Variants in LRFN2 observed in about 807,000 individuals in gnomAD.
The protein encoded by LRFN2 is leucine rich repeat and fibronectin type III domain containing 2, also known as leucine-rich repeat and fibronectin type-III domain-containing protein 2.
A neutral mutation model predicts 37.3 loss-of-function variants in LRFN2; 18 were observed. The observed-to-expected ratio is 0.48, with a 90% CI of 0.33 to 0.72. LRFN2 has a LOEUF of 0.72. Among genes scored for constraint, LRFN2 ranks in the 30% least tolerant of loss-of-function variants. The probability of loss-of-function intolerance (pLI) is 0.02; values close to 1 mark genes in which losing one functional copy is unlikely to be tolerated. For missense variants in LRFN2, 1,006 were observed against 1,060.7 expected (o/e 0.95, Z 0.72); for synonymous variants, 556 against 466.6 (o/e 1.19, Z -2.47).
At chr6:40,548,170 T>C (rs1766698299) in intron 1 of LRFN2, among the ~76,000 whole-genome samples, 1 of 152,208 alleles carries the variant, frequency 6.6e-6, no homozygotes, top group African/African-American at 2.4e-5. Flanking sequence ...CTGGGCACAG[T>C]GGCTCACACC....
At chr6:40,444,063 C>T (rs1350989693) in intron 1 of LRFN2, among the ~76,000 whole-genome samples, 1 of 152,134 alleles carries the variant, frequency 6.6e-6, no homozygotes, top group African/African-American at 2.4e-5. Flanking sequence ...TAACTAGAGG[C>T]CAAGGGGTAA....
In LRFN2 at chr6:40,533,937, G is replaced by A. The variant is rs544442880; in HGVS notation, c.-19+53004C>T. 9.7e-4 allele frequency among the ~76,000 whole-genome samples: 147 copies of A among 152,272 alleles called. 1 individual carries two copies. The highest frequency in any genetic ancestry group is 1.5e-3 in the Non-Finnish European group (104 of 68,020). ...AAGGGCCAAGTGTGCCAAATTCACC[G>A]GACACTCGGAATTCCTCAGGCATTG... is the stretch of plus-strand genomic sequence containing the variant. On this transcript the variant is annotated intron_variant, in intron 1 of 2. Coordinates refer to ENST00000338305, the MANE Select transcript of LRFN2 (RefSeq NM_020737.3).
At chr6:40,551,532 G>A (rs555972467) in intron 1 of LRFN2, among the ~76,000 whole-genome samples, 1 of 152,300 alleles carries the variant, frequency 6.6e-6, no homozygotes, top group African/African-American at 2.4e-5. Context: ...TCTATTATCT[G>A]TTGTAACATT....
rs1177474010 is a variant in LRFN2 at position 40,392,325 on chromosome 6, A to G, written c.1988T>C (p.Leu663Pro). The G allele has an allele frequency of 1.2e-6, 2 of 1,610,618 alleles. No individual in the cohort carries two copies. The highest frequency in any genetic ancestry group is 1.7e-6 in the Non-Finnish European group (2 of 1,178,786). ...LDRLMGAFAS[L>P]DLKSQRKEEL... is the part of the protein sequence containing the mutation. ...CTCCTTTCTCTGACTCTTGAGGTCC[A>G]GGGAGGCGAAGGCCCCCATCAGGCG... Residue 663 changes from leucine (L) to proline (P), a missense_variant, in exon 3 of 3, where the codon CTG becomes CCG. Physicochemically the swap from Leu to Pro is moderately conservative, Grantham distance 98. This residue lies in a region of LRFN2 where 398 missense variants were observed against 327.6 expected (regional missense o/e 1.21). Coordinates refer to ENST00000338305, the MANE Select transcript of LRFN2 (RefSeq NM_020737.3). This position sits in a 1 kb window ranked among gnomAD's most constrained non-coding sequence, Gnocchi z 4.7.
chr6:40,554,191 G>T (rs35021289), intron 1 of LRFN2, among the ~76,000 whole-genome samples: 72,119 of 152,100 alleles, frequency 0.47, 18,132 homozygotes, highest in African/African-American at 0.64. Context: ...AAAGCACAAG[G>T]AAGGTGCTGG....
chr6:40,499,386 A>G (rs1765316900), intron 1 of LRFN2, among the ~76,000 whole-genome samples: 1 of 150,406 alleles, frequency 6.6e-6, no homozygotes, highest in South Asian at 2.1e-4. Context: ...CTCCTTCCAG[A>G]CATTTTTTTT....
intron 2 of LRFN2, among the ~76,000 whole-genome samples, chr6:40,413,057 T>A (rs1205706659): frequency 6.6e-6 from 1 of 152,112 alleles, no homozygotes; most frequent in Non-Finnish European, 1.5e-5. Context: ...TCTGGAGGCT[T>A]ATCTCTTCTT....
intron 1 of LRFN2, among the ~76,000 whole-genome samples, chr6:40,457,094 C>T (rs1764250545): frequency 2.0e-5 from 3 of 152,064 alleles, no homozygotes. Flanking sequence ...CTCCTCTTCC[C>T]CTATCAAAAC....
intron 1 of LRFN2, among the ~76,000 whole-genome samples, chr6:40,458,311 T>C (rs1292937011): frequency 1.3e-5 from 2 of 152,212 alleles, no homozygotes; most frequent in Non-Finnish European, 2.9e-5. Context: ...ATGATTTCAC[T>C]GCAATTGGTG....
intron 1 of LRFN2, among the ~76,000 whole-genome samples, chr6:40,471,581 T>C (rs1764596142): frequency 6.6e-6 from 1 of 152,120 alleles, no homozygotes; most frequent in South Asian, 2.1e-4. Context: ...CTGGGGTGGC[T>C]CACTGCAGCC....
chr6:40,583,065 A>T (rs112853672), intron 1 of LRFN2, among the ~76,000 whole-genome samples: 1 of 152,184 alleles, frequency 6.6e-6, no homozygotes, highest in East Asian at 1.9e-4. Context: ...TAATTTTAAG[A>T]CAATGCATCC....
At chr6:40,427,677 T>G (rs1264463332) in intron 2 of LRFN2, among the ~76,000 whole-genome samples, 1 of 152,228 alleles carries the variant, frequency 6.6e-6, no homozygotes, top group African/African-American at 2.4e-5. Flanking sequence ...GAGAAAGTCT[T>G]TCCAGAGTTG....
At chr6:40,492,065 G>A (rs564399579) in intron 1 of LRFN2, among the ~76,000 whole-genome samples, 11 of 152,134 alleles carry the variant, frequency 7.2e-5, no homozygotes, top group African/African-American at 2.7e-4. Context: ...ACTGTGGGTA[G>A]GTAGGCAGCT....
chr6:40,520,831 G>T (rs1766041194), intron 1 of LRFN2, among the ~76,000 whole-genome samples: 1 of 152,134 alleles, frequency 6.6e-6, no homozygotes, highest in South Asian at 2.1e-4. Context: ...AATGTAGCTG[G>T]GGAGGCTGCC....
In LRFN2 at chr6:40,442,139, C is replaced by G. The variant is rs139107614; in HGVS notation, c.-18-9008G>C. 1.5e-3 allele frequency among the ~76,000 whole-genome samples: 228 copies of G among 152,298 alleles called. 1 individual carries two copies. The highest frequency in any genetic ancestry group is 5.2e-3 in the African/African-American group (217 of 41,564). On this transcript the variant is annotated intron_variant, in intron 1 of 2. Transcript: ENST00000338305. The stretch of plus-strand genomic sequence containing the variant: ...ACCCTCTACCCTCCAAAGGCCTCAC[C>G]CTTTCCCTAGTACCCATCCAGGAGC...
intron 1 of LRFN2, among the ~76,000 whole-genome samples, chr6:40,520,448 GAT>G (rs1766028275): frequency 6.6e-6 from 1 of 152,154 alleles, no homozygotes; most frequent in African/African-American, 2.4e-5. Flanking sequence ...GGAAAGAAGA[GAT>G]AATGCTAGGT....
intron 1 of LRFN2, among the ~76,000 whole-genome samples, chr6:40,562,648 C>G (rs934926099): frequency 6.6e-6 from 1 of 152,138 alleles, no homozygotes; most frequent in African/African-American, 2.4e-5. Context: ...GCCAGAGAAG[C>G]AGCAGGGATG....
chr6:40,427,173 A>G (rs908629166), intron 2 of LRFN2, among the ~76,000 whole-genome samples: 3 of 152,264 alleles, frequency 2.0e-5, no homozygotes, highest in African/African-American at 7.2e-5. Context: ...TTTTCTGTGT[A>G]GTTATCAATC....
chr6:40,487,425 A>G (rs557353211), intron 1 of LRFN2, among the ~76,000 whole-genome samples: 1 of 152,222 alleles, frequency 6.6e-6, no homozygotes, highest in Admixed American at 6.5e-5. Context: ...CAGGGCGTCA[A>G]TGAGTTCTTG....
Sources: gnomAD v4.1 joint callset for allele counts (sites outside exome capture counted in the v4.1 genomes callset) on GRCh38, gnomAD v4.1.1 for gene constraint, gnomAD v4.1.1 regional missense constraint, Gnocchi (gnomAD v3.1) non-coding constraint, MANE v1.5 for transcripts, NCBI Gene and HGNC (gene_info 2026-07-23, HGNC 2026-07-21) for gene names.